Variants in RALYL observed in about 807,000 individuals in gnomAD.
RALYL encodes the protein RNA-binding Raly-like protein.
Under a neutral mutation model 35.1 loss-of-function variants are expected in RALYL, and 29 were observed. The observed-to-expected ratio is 0.83, with a 90% CI of 0.61 to 1.13. The LOEUF (loss-of-function observed/expected upper bound fraction) is 1.13, where lower values mean the gene tolerates loss of function less well. Ranked by LOEUF, RALYL falls within the 50% of genes most tolerant of loss-of-function variation. The pLI, the probability that RALYL is intolerant of heterozygous loss-of-function variation, is 0.00. For missense variants in RALYL, 359 were observed against 360.4 expected (o/e 1.00, Z 0.03); for synonymous variants, 120 against 127.6 (o/e 0.94, Z 0.40).
At chr8:84,365,447 C>A (rs1047769278) in intron 1 of RALYL, among the ~76,000 whole-genome samples, 7 of 152,094 alleles carry the variant, frequency 4.6e-5, no homozygotes, top group Non-Finnish European at 8.8e-5. Flanking sequence ...AATACATTGA[C>A]TACAATCTAT....
chr8:84,342,423 T>A (rs995496068), intron 1 of RALYL, among the ~76,000 whole-genome samples: 1 of 150,134 alleles, frequency 6.7e-6, no homozygotes. Flanking sequence ...TGGTTTTTAT[T>A]TTCTGGGATA....
At chr8:84,578,561 A>G (rs1420492596) in intron 2 of RALYL, among the ~76,000 whole-genome samples, 4 of 152,222 alleles carry the variant, frequency 2.6e-5, no homozygotes, top group Non-Finnish European at 4.4e-5. Flanking sequence ...ATGACAGAAC[A>G]GCTCTCAGGA....
At chr8:84,328,762 C>G (rs903574700) in intron 1 of RALYL, among the ~76,000 whole-genome samples, 1 of 152,150 alleles carries the variant, frequency 6.6e-6, no homozygotes, top group Non-Finnish European at 1.5e-5. Context: ...ACCTCTCTCC[C>G]TCCCCACTCT....
chr8:84,259,108 G>A (rs1184493852), intron 1 of RALYL, among the ~76,000 whole-genome samples: 1 of 152,028 alleles, frequency 6.6e-6, no homozygotes, highest in East Asian at 1.9e-4. Context: ...ATTGAACTGG[G>A]GGCATAATAG....
chr8:84,450,654 G>T (rs1027070156), intron 1 of RALYL, among the ~76,000 whole-genome samples: 2 of 151,764 alleles, frequency 1.3e-5, no homozygotes, highest in African/African-American at 4.8e-5. Context: ...ACCTATAAAA[G>T]AGCAAATATT....
chr8:84,538,839 A>G (rs2059799584), intron 2 of RALYL, among the ~76,000 whole-genome samples: 1 of 152,196 alleles, frequency 6.6e-6, no homozygotes, highest in South Asian at 2.1e-4. Flanking sequence ...TGGGAAACTC[A>G]AGGCATTACG....
At chr8:84,276,673 G>A (rs369205283) in intron 1 of RALYL, among the ~76,000 whole-genome samples, 13 of 152,232 alleles carry the variant, frequency 8.5e-5, no homozygotes, top group East Asian at 7.8e-4. Flanking sequence ...AGATGAAAAG[G>A]AATTTAAGAA....
At chr8:84,648,335 G>C (rs1827934731) in intron 2 of RALYL, among the ~76,000 whole-genome samples, 1 of 151,994 alleles carries the variant, frequency 6.6e-6, no homozygotes, top group Admixed American at 6.6e-5. Flanking sequence ...CATGGCTCAA[G>C]CTCCCCATCA....
chr8:84,786,187 C>T (rs777480917), intron 3 of RALYL, among the ~76,000 whole-genome samples: 1 of 152,176 alleles, frequency 6.6e-6, no homozygotes, highest in Non-Finnish European at 1.5e-5. Context: ...CATAGTATTC[C>T]ACAGTATACG....
intron 2 of RALYL, among the ~76,000 whole-genome samples, chr8:84,585,557 T>C (rs1199620951): frequency 6.6e-6 from 1 of 152,146 alleles, no homozygotes; most frequent in East Asian, 1.9e-4. Flanking sequence ...TAATTATTGT[T>C]TTTCATGTTC....
chr8:84,790,556 C>A (rs1820534508), intron 3 of RALYL, among the ~76,000 whole-genome samples: 1 of 152,140 alleles, frequency 6.6e-6, no homozygotes, highest in African/African-American at 2.4e-5. Context: ...ATTTATTCAT[C>A]AATTAACTAT....
At chr8:84,361,214 T>C (rs1852945245) in intron 1 of RALYL, among the ~76,000 whole-genome samples, 1 of 152,174 alleles carries the variant, frequency 6.6e-6, no homozygotes, top group East Asian at 1.9e-4. Flanking sequence ...ACAGTAAAAT[T>C]AGTTTCACAT....
intron 5 of RALYL, among the ~76,000 whole-genome samples, chr8:84,859,266 T>C (rs1837641796): frequency 6.6e-6 from 1 of 152,080 alleles, no homozygotes; most frequent in Admixed American, 6.6e-5. Flanking sequence ...CAATTTTTCA[T>C]CGGCCATGCA....
At chr8:84,394,028 C>G (rs1861271084) in intron 1 of RALYL, among the ~76,000 whole-genome samples, 1 of 151,988 alleles carries the variant, frequency 6.6e-6, no homozygotes, top group Admixed American at 6.6e-5. Context: ...CTTTAAAATC[C>G]TCACCCTGCC....
At chr8:84,654,748 C>A (rs1418150321) in intron 2 of RALYL, among the ~76,000 whole-genome samples, 1 of 152,008 alleles carries the variant, frequency 6.6e-6, no homozygotes. Context: ...TATGTTGTTG[C>A]AAAAACAGGA....
chr8:84,750,307 T>G (rs1809656192), intron 2 of RALYL, among the ~76,000 whole-genome samples: 1 of 152,084 alleles, frequency 6.6e-6, no homozygotes, highest in Admixed American at 6.5e-5. Context: ...AATACAGCGG[T>G]TTTTAACAAG....
chr8:84,703,064 T>C lies in RALYL; in HGVS notation c.257-71515T>C, dbSNP rs1376763530. Among the ~76,000 whole-genome samples, 4 of 152,100 alleles carry C rather than the reference T, an allele frequency of 2.6e-5. No homozygotes were observed. In the East Asian group the frequency reaches 7.7e-4, roughly 29 times the overall value. Reference sequence around the variant, plus strand: ...TGTCCCTTATGTCTATATTTTTTCTTCCTACTTTTCGGAATGAAGGTTCCC... The same window carrying C: ...TGTCCCTTATGTCTATATTTTTTCTCCCTACTTTTCGGAATGAAGGTTCCC... On this transcript the variant is annotated intron_variant, in intron 2 of 8. Coordinates refer to ENST00000521268, the MANE Select transcript of RALYL (RefSeq NM_173848.7).
At chr8:84,431,384 G>C (rs1254954918) in intron 1 of RALYL, among the ~76,000 whole-genome samples, 1 of 151,940 alleles carries the variant, frequency 6.6e-6, no homozygotes, top group African/African-American at 2.4e-5. Flanking sequence ...TGGCCAACAG[G>C]TCTATGAAAA....
At chr8:84,846,208 T>A (rs960479276) in intron 4 of RALYL, among the ~76,000 whole-genome samples, 1 of 152,214 alleles carries the variant, frequency 6.6e-6, no homozygotes, top group South Asian at 2.1e-4. Context: ...AGGGATAGCA[T>A]TGCATCTGTA....
Sources: allele counts gnomAD v4.1 joint callset (sites outside exome capture counted in the v4.1 genomes callset), GRCh38; gene constraint gnomAD v4.1.1; transcripts MANE v1.5; gene names NCBI Gene and HGNC (gene_info 2026-07-23, HGNC 2026-07-21).